The following RNF180 variants were observed in gnomAD, a reference collection of about 807,000 sequenced individuals.
RNF180 encodes ring finger protein 180.
Under a neutral mutation model 59.2 loss-of-function variants are expected in RNF180, and 38 were observed. The observed-to-expected ratio is 0.64, with a 90% CI of 0.50 to 0.84. The LOEUF (loss-of-function observed/expected upper bound fraction) is 0.84, where lower values mean the gene tolerates loss of function less well. Ranked by LOEUF, RNF180 falls within the 40% of genes least tolerant of loss-of-function variation. The probability of loss-of-function intolerance (pLI) is 0.00; values close to 1 mark genes in which losing one functional copy is unlikely to be tolerated. For synonymous variants in RNF180, 262 were observed against 240.3 expected (o/e 1.09, Z -0.84); for missense variants, 705 against 700.9 (o/e 1.01, Z -0.07).
intron 7 of RNF180, among the ~76,000 whole-genome samples, chr5:64,351,956 G>T (rs951977170): frequency 6.6e-6 from 1 of 152,016 alleles, no homozygotes; most frequent in Non-Finnish European, 1.5e-5. Context: ...CTATTGATTG[G>T]AATAGTTTCA....
intron 7 of RNF180, among the ~76,000 whole-genome samples, chr5:64,357,240 A>G (rs957559932): frequency 2.6e-5 from 4 of 151,854 alleles, no homozygotes; most frequent in African/African-American, 9.7e-5. Flanking sequence ...TCTATTTTGC[A>G]TTAACTTTTT....
chr5:64,177,235 C>T (rs1750285930), intron 1 of RNF180, among the ~76,000 whole-genome samples: 1 of 152,228 alleles, frequency 6.6e-6, no homozygotes, highest in Admixed American at 6.5e-5. Flanking sequence ...CCAAACAACC[C>T]TACACATTCC....
intron 5 of RNF180, among the ~76,000 whole-genome samples, chr5:64,273,524 A>G (rs1712657912): frequency 6.6e-6 from 1 of 152,054 alleles, no homozygotes; most frequent in African/African-American, 2.4e-5. Flanking sequence ...GCAAGGAGTT[A>G]GGAGAAAAGA....
At chr5:64,309,243 C>T (rs1743629448) in intron 5 of RNF180, among the ~76,000 whole-genome samples, 2 of 151,680 alleles carry the variant, frequency 1.3e-5, no homozygotes, top group Non-Finnish European at 3.0e-5. Flanking sequence ...GGGACTCTGG[C>T]TCAGCCAGCA....
At chr5:64,293,027 C>T (rs372017972) in intron 5 of RNF180, among the ~76,000 whole-genome samples, 14 of 152,332 alleles carry the variant, frequency 9.2e-5, no homozygotes, top group East Asian at 3.9e-4. Context: ...GGTGGTCCCT[C>T]CTCACCCTGT....
intron 5 of RNF180, among the ~76,000 whole-genome samples, chr5:64,242,135 G>A (rs1218864266): frequency 6.6e-6 from 1 of 152,112 alleles, no homozygotes; most frequent in Non-Finnish European, 1.5e-5. Flanking sequence ...TCTGTCCTGG[G>A]TTTCAGCCCT....
chr5:64,225,690 A>G (rs1580054108), intron 5 of RNF180, among the ~76,000 whole-genome samples: 1 of 113,118 alleles, frequency 8.8e-6, no homozygotes, highest in African/African-American at 3.5e-5. Flanking sequence ...CTGGGAAGTG[A>G]GGAGCGCCTC....
chr5:64,337,388 A>G (rs1745171825), intron 7 of RNF180, among the ~76,000 whole-genome samples: 2 of 152,084 alleles, frequency 1.3e-5, no homozygotes, highest in African/African-American at 4.8e-5. Flanking sequence ...ATATTTTGTT[A>G]AAGGTTCAAC....
At chr5:64,192,903 GTATATATATATATATATATATATATA>G (rs70983610) in intron 1 of RNF180, among the ~76,000 whole-genome samples, 2 of 93,870 alleles carry the variant, frequency 2.1e-5, no homozygotes, top group Non-Finnish European at 4.1e-5. Flanking sequence ...AGTGTGGCAT[GTATATATATATATATATATATATATA>G]TATATATATA....
intron 5 of RNF180, among the ~76,000 whole-genome samples, chr5:64,243,846 C>T (rs541896482): frequency 7.9e-5 from 12 of 152,272 alleles, no homozygotes; most frequent in African/African-American, 2.9e-4. Context: ...ACAGTTCTGG[C>T]TAGCATCTGG....
chr5:64,242,285 A>G (rs145665093), intron 5 of RNF180, among the ~76,000 whole-genome samples: 131 of 152,344 alleles, frequency 8.6e-4, no homozygotes, highest in African/African-American at 2.9e-3. Flanking sequence ...AGACTGGAAT[A>G]AGTAACTCCT....
intron 1 of RNF180, among the ~76,000 whole-genome samples, chr5:64,168,904 A>G (rs1749790609): frequency 6.6e-6 from 1 of 152,204 alleles, no homozygotes; most frequent in Non-Finnish European, 1.5e-5. Context: ...CTCATTCCAT[A>G]AAATAGAATG....
chr5:64,187,800 C>T (rs1362709758), intron 1 of RNF180, among the ~76,000 whole-genome samples: 1 of 152,146 alleles, frequency 6.6e-6, no homozygotes, highest in Non-Finnish European at 1.5e-5. Context: ...ATTCCATAGG[C>T]ATCTGGCCAT....
intron 1 of RNF180, among the ~76,000 whole-genome samples, chr5:64,172,500 T>G (rs1435156460): frequency 6.6e-6 from 1 of 152,186 alleles, no homozygotes; most frequent in Non-Finnish European, 1.5e-5. Context: ...TACTAACATA[T>G]TAAGTTGTCT....
chr5:64,188,929 A>C (rs1009782819), intron 1 of RNF180, among the ~76,000 whole-genome samples: 2 of 152,126 alleles, frequency 1.3e-5, no homozygotes, highest in African/African-American at 4.8e-5. Context: ...TGAGGTCATA[A>C]AGGGAAAGTT....
At chr5:64,326,206 T>G (rs6449714) in intron 6 of RNF180, among the ~76,000 whole-genome samples, 152,131 of 152,184 alleles carry the variant, frequency 1, 76,039 homozygotes, top group Non-Finnish European at 1. Context: ...ACCTGCTACA[T>G]ATTTCTCTTA....
chr5:64,349,571 A>G (rs891192630), intron 7 of RNF180, among the ~76,000 whole-genome samples: 3 of 151,642 alleles, frequency 2.0e-5, no homozygotes, highest in East Asian at 1.9e-4. Flanking sequence ...CTAATATGCT[A>G]TCTCTCCCCC....
chr5:64,257,301 C>T (rs1580125828), intron 5 of RNF180, among the ~76,000 whole-genome samples: 1 of 152,310 alleles, frequency 6.6e-6, no homozygotes, highest in South Asian at 2.1e-4. Flanking sequence ...GGGAATGCTT[C>T]CAGCTTTTGC....
intron 1 of RNF180, among the ~76,000 whole-genome samples, chr5:64,198,335 A>C (rs1479198263): frequency 1.3e-5 from 2 of 152,188 alleles, no homozygotes; most frequent in Non-Finnish European, 2.9e-5. Flanking sequence ...GCCAGTACAA[A>C]GGCCCTGAAG....
Sources: allele counts gnomAD v4.1 joint callset (sites outside exome capture counted in the v4.1 genomes callset), GRCh38; gene constraint gnomAD v4.1.1; transcripts MANE v1.5; gene names NCBI Gene and HGNC (gene_info 2026-07-23, HGNC 2026-07-21).